Variants in HFM1 observed in about 807,000 individuals in gnomAD.
HFM1 encodes the protein helicase for meiosis 1, also known as probable ATP-dependent DNA helicase HFM1.
HFM1 carries 169 observed loss-of-function variants against 192.1 expected under a neutral mutation model. That is an observed-to-expected ratio of 0.88 (90% confidence interval 0.78 to 1.00). The LOEUF is 1.00. Among genes scored for constraint, HFM1 ranks in the 50% least tolerant of loss-of-function variants. The pLI is 0.00. For synonymous variants in HFM1, 525 were observed against 537.8 expected, an observed-to-expected ratio of 0.98 and a Z score of 0.33; for missense variants, 1,661 against 1,668.0, an observed-to-expected ratio of 1.00 and a Z score of 0.07.
intron 30 of HFM1, among the ~76,000 whole-genome samples, chr1:91,286,978 G>C (rs1331802773): frequency 6.6e-6 from 1 of 152,214 alleles, no homozygotes; most frequent in Admixed American, 6.5e-5. Flanking sequence ...CGCACCACGA[G>C]ATTATATCCC....
chr1:91,279,991 C>T lies in HFM1; in HGVS notation c.3392-2929G>A, dbSNP rs550723750. ...ATCTGTTCTGTTTACCTCACAGAGA[C>T]GTAAAAATAAAATGTAATTTAAGTA... On this transcript the variant is annotated intron_variant, in intron 30 of 38. Transcript: ENST00000370425. Among the ~76,000 whole-genome samples the T allele has an allele frequency of 1.8e-4, 12 of 65,748 alleles. No individual in the cohort carries two copies. The South Asian group carries it at 6.6e-3, about 36-fold the overall frequency. 43.1% of individuals were successfully genotyped at this position (65,748 alleles called of 152,430 possible). A position where few individuals can be genotyped will look rare whatever the true frequency, so the allele number is the denominator to read the frequency against.
At chr1:91,343,180 G>A (rs1448771347) in intron 20 of HFM1, among the ~76,000 whole-genome samples, 1 of 132,068 alleles carries the variant, frequency 7.6e-6, no homozygotes, top group African/African-American at 2.8e-5. Flanking sequence ...GCATTGAGCT[G>A]AGATCTCGCC....
Position 91,379,141 on chromosome 1 carries a change from A to G in HFM1, c.1080T>C (p.Asn360=), listed in dbSNP as rs557945185. The G allele has an allele frequency of 1.7e-5, 27 of 1,608,606 alleles. No individual in the cohort carries two copies. The Admixed American group carries it at 2.7e-4, about 16-fold the overall frequency. The change falls in exon 9 of 39, where the codon AAT becomes AAC. Residue 360 remains asparagine (N), a synonymous_variant. Transcript: ENST00000370425. ...CTGTATCTCCAGTAAGTTCTTTACA[A>G]TTCAATCCTATTGGTCCAAATTTTT... ...WKEKFGPIGL[N]CKELTGDTVM... is the part of the protein sequence containing the mutation.
intron 13 of HFM1, among the ~76,000 whole-genome samples, chr1:91,363,668 A>T (rs912605498): frequency 6.6e-6 from 1 of 152,238 alleles, no homozygotes; most frequent in East Asian, 1.9e-4. Context: ...CATTTGACCT[A>T]GCAATCCCAT....
chr1:91,325,463 G>GAA (rs1457968021), intron 20 of HFM1, among the ~76,000 whole-genome samples: 3 of 152,188 alleles, frequency 2.0e-5, no homozygotes, highest in Non-Finnish European at 4.4e-5. Context: ...CAGAGAGAGA[G>GAA]AATCTGTATT....
chr1:91,322,957 CT>C lies in HFM1; in HGVS notation c.2574del (p.Val859Ter). On this transcript the variant is annotated frameshift_variant, in exon 23 of 39. Transcript: ENST00000370425. LOFTEE classifies it high-confidence loss of function. ...MEGRIKTREM[K>X]VNCLIQAQLG... Reference sequence around the variant, plus strand: ...AGTATGAATCATCTTTACCAATTTACTTTCATTTCTCTTGTTTTAATTCTTC... The same window carrying C: ...AGTATGAATCATCTTTACCAATTTACTTCATTTCTCTTGTTTTAATTCTTC... The C allele has an allele frequency of 7.4e-7, 1 of 1,345,656 alleles. No individual in the cohort carries two copies. 83.4% of individuals were successfully genotyped at this position (1,345,656 alleles called of 1,614,324 possible). A position where few individuals can be genotyped will look rare whatever the true frequency, so the allele number is the denominator to read the frequency against.
At chr1:91,338,700 G>C (rs1448346251) in intron 20 of HFM1, among the ~76,000 whole-genome samples, 1 of 152,046 alleles carries the variant, frequency 6.6e-6, no homozygotes, top group African/African-American at 2.4e-5. Context: ...TTGTCACCAC[G>C]GCCGTGGCCC....
chr1:91,319,436 A>G (rs773955850), intron 23 of HFM1, 46 bp from the exon 24 acceptor site: 30 of 1,188,890 alleles, frequency 2.5e-5, no homozygotes, highest in East Asian at 1.2e-4. Context: ...AGGGTTATCT[A>G]TCTCCCAGTA....
chr1:91,280,410 A>G (rs541797777), intron 30 of HFM1, among the ~76,000 whole-genome samples: 68 of 152,334 alleles, frequency 4.5e-4, no homozygotes, highest in African/African-American at 1.6e-3. Context: ...AAGGCAGCCT[A>G]TGTTTGTAGG....
chr1:91,330,064 T>C (rs1217449964), intron 20 of HFM1, among the ~76,000 whole-genome samples: 3 of 152,078 alleles, frequency 2.0e-5, no homozygotes, highest in Admixed American at 1.3e-4. Flanking sequence ...CTGTGACTGA[T>C]TGCTGGCTGT....
At chr1:91,330,677 A>G (rs1444420375) in intron 20 of HFM1, among the ~76,000 whole-genome samples, 4 of 143,954 alleles carry the variant, frequency 2.8e-5, no homozygotes, top group Non-Finnish European at 6.3e-5. Context: ...CCCTGATACC[A>G]CAACCAGACA....
chr1:91,329,180 C>G, intron 20 of HFM1: 2 of 1,609,988 alleles, frequency 1.2e-6, no homozygotes, highest in Non-Finnish European at 1.7e-6. Flanking sequence ...CCAACAAGTA[C>G]CCTTTGCCAG....
chr1:91,403,833 TTAA>T (rs2102233895), intron 1 of HFM1, among the ~76,000 whole-genome samples: 1 of 152,322 alleles, frequency 6.6e-6, no homozygotes, highest in African/African-American at 2.4e-5. Context: ...TTTAGTTATA[TTAA>T]TGACAATTCA....
intron 30 of HFM1, among the ~76,000 whole-genome samples, chr1:91,296,115 T>C (rs1647528329): frequency 6.6e-6 from 1 of 152,136 alleles, no homozygotes; most frequent in Non-Finnish European, 1.5e-5. Flanking sequence ...GAGATGGGGT[T>C]TCACCATGTT....
intron 13 of HFM1, among the ~76,000 whole-genome samples, chr1:91,355,932 A>G (rs1657662958): frequency 6.6e-6 from 1 of 152,202 alleles, no homozygotes; most frequent in Admixed American, 6.5e-5. Context: ...TCTAGAGCAT[A>G]CGAAACATTC....
chr1:91,391,471 T>C (rs1662983447), intron 4 of HFM1, among the ~76,000 whole-genome samples: 1 of 152,186 alleles, frequency 6.6e-6, no homozygotes, highest in South Asian at 2.1e-4. Context: ...ATCTGATCTT[T>C]GACAAACCTG....
At chr1:91,344,700 ATTTCC>A (rs1429357008) in intron 19 of HFM1, among the ~76,000 whole-genome samples, 5 of 146,780 alleles carry the variant, frequency 3.4e-5, no homozygotes, top group Non-Finnish European at 7.5e-5. Context: ...CCTTATCTTT[ATTTCC>A]TTTCCTTTCT....
chr1:91,274,090 TA>T (rs1402019458), intron 33 of HFM1, among the ~76,000 whole-genome samples: 2 of 152,006 alleles, frequency 1.3e-5, no homozygotes, highest in Non-Finnish European at 2.9e-5. Context: ...TACTAGTTGT[TA>T]AATACATTGA....
At chr1:91,369,768 C>T (rs1303620891) in intron 13 of HFM1, among the ~76,000 whole-genome samples, 1 of 151,984 alleles carries the variant, frequency 6.6e-6, no homozygotes, top group African/African-American at 2.4e-5. Context: ...AATAGAGACA[C>T]AAAAAACCCT....
Sources: allele counts gnomAD v4.1 joint callset (sites outside exome capture counted in the v4.1 genomes callset), GRCh38; gene constraint gnomAD v4.1.1; transcripts MANE v1.5; gene names NCBI Gene and HGNC (gene_info 2026-07-23, HGNC 2026-07-21).